TRAPPC12: variants seen among roughly 807,000 people sequenced by gnomAD.
The protein encoded by TRAPPC12 is trafficking protein particle complex subunit 12, also known as TPR repeat protein 15.
A neutral mutation model predicts 69.2 loss-of-function variants in TRAPPC12; 61 were observed. The observed-to-expected ratio is 0.88, with a 90% confidence interval of 0.72 to 1.09. The LOEUF (loss-of-function observed/expected upper bound fraction) is 1.09, where lower values mean the gene tolerates loss of function less well. Among genes scored for constraint, TRAPPC12 ranks in the 50% least tolerant of loss-of-function variants. The pLI, the probability that TRAPPC12 is intolerant of heterozygous loss-of-function variation, is 0.00. For missense variants in TRAPPC12, 1,101 were observed against 1,016.4 expected (o/e 1.08, Z -1.13); for synonymous variants, 469 against 438.9 (o/e 1.07, Z -0.86).
At chr2:3,474,172 G>A (rs1666189905) in intron 9 of TRAPPC12, among the ~76,000 whole-genome samples, 1 of 152,210 alleles carries the variant, frequency 6.6e-6, no homozygotes. Flanking sequence ...TATTAGTTGG[G>A]GCTCTCTAGA....
In TRAPPC12 at chr2:3,425,034, C is replaced by T. The variant is rs147228810; in HGVS notation, c.1417+371C>T. ...GCAGAGCGGTGGAACCAAACGTGTC[C>T]GTGCATATGGCACACGCCGTGACAT... is the stretch of plus-strand genomic sequence containing the variant. On this transcript the variant is annotated intron_variant, in intron 5 of 11. Coordinates refer to ENST00000324266, the MANE Select transcript of TRAPPC12 (RefSeq NM_016030.6). 3.3e-4 allele frequency among the ~76,000 whole-genome samples: 50 copies of T among 152,356 alleles called. No individual in the cohort carries two copies. In the Middle Eastern group the frequency reaches 0.01, roughly 31 times the overall value.
chr2:3,405,881 T>C (rs999295944), intron 3 of TRAPPC12, among the ~76,000 whole-genome samples: 3 of 152,206 alleles, frequency 2.0e-5, no homozygotes, highest in Non-Finnish European at 2.9e-5. Context: ...TCCTAACCCA[T>C]GGCAGTGAAG....
At chr2:3,449,445 TAC>T (rs1664732337) in intron 6 of TRAPPC12, 1 of 152,548 alleles carries the variant, frequency 6.6e-6, no homozygotes, top group South Asian at 2.1e-4. Context: ...AGTGCTTCTT[TAC>T]AGACTCACTC....
chr2:3,400,541 G>A (rs1661381782), intron 2 of TRAPPC12, among the ~76,000 whole-genome samples: 1 of 152,148 alleles, frequency 6.6e-6, no homozygotes, highest in South Asian at 2.1e-4. Context: ...TCAGTCAGCA[G>A]CACCCCCAGA....
At position 3,409,157 on chromosome 2, in the gene TRAPPC12, T is replaced by C. The variant is rs549480250; in HGVS notation, c.1164+7264T>C. ...AGTTAAGACTCTCTTCAGAAACTCC[T>C]GTGACCATGCAGTAGCCATCATGTC... is the stretch of plus-strand genomic sequence containing the variant. On this transcript the variant is annotated intron_variant, in intron 3 of 11. Coordinates refer to ENST00000324266, the MANE Select transcript of TRAPPC12 (RefSeq NM_016030.6). Among the ~76,000 whole-genome samples, 4 of 152,308 alleles carry C rather than the reference T, an allele frequency of 2.6e-5. No homozygotes were observed. The East Asian group carries it at 7.7e-4, about 29-fold the overall frequency.
At chr2:3,424,998 C>T (rs957018779) in intron 5 of TRAPPC12, among the ~76,000 whole-genome samples, 3 of 152,172 alleles carry the variant, frequency 2.0e-5, no homozygotes, top group South Asian at 2.1e-4. Flanking sequence ...CGGGACCTGG[C>T]GCACAGAGAT....
At chr2:3,417,199 G>A (rs1283167341) in intron 3 of TRAPPC12, among the ~76,000 whole-genome samples, 3 of 151,986 alleles carry the variant, frequency 2.0e-5, no homozygotes, top group Non-Finnish European at 2.9e-5. Flanking sequence ...TGCCTGCTGC[G>A]TCTCCATGTC....
At chr2:3,462,992 C>A (rs1459625846) in intron 8 of TRAPPC12, 1 of 469,860 alleles carries the variant, frequency 2.1e-6, no homozygotes, top group Admixed American at 2.4e-5. Flanking sequence ...GGTTGTAAAT[C>A]TAGTTTCACG....
rs559749857 is a variant in TRAPPC12 at position 3,433,000 on chromosome 2, G to T, written c.1417+8337G>T. Among the ~76,000 whole-genome samples the T allele has an allele frequency of 4.6e-5, 7 of 152,328 alleles. No homozygotes were observed. In the East Asian group the frequency reaches 1.2e-3, roughly 25 times the overall value. On this transcript the variant is annotated intron_variant, in intron 5 of 11. Coordinates refer to ENST00000324266, the MANE Select transcript of TRAPPC12 (RefSeq NM_016030.6). ...ATCATTTAAATAAGAAATATTTAAGGTATTTTTTTCTCTTAGGACTTTCTC... is the reference window on the plus strand; with the variant it reads ...ATCATTTAAATAAGAAATATTTAAGTTATTTTTTTCTCTTAGGACTTTCTC...
intron 1 of TRAPPC12, among the ~76,000 whole-genome samples, chr2:3,382,880 G>A (rs1267074780): frequency 3.3e-5 from 5 of 152,190 alleles, no homozygotes; most frequent in Admixed American, 2.0e-4. Context: ...AGCCATCATC[G>A]TCCCATTGCA....
At chr2:3,454,535 G>A (rs1665030079) in intron 6 of TRAPPC12, 1 of 152,660 alleles carries the variant, frequency 6.6e-6, no homozygotes, top group Non-Finnish European at 1.5e-5. Context: ...CGCCTTCCCA[G>A]CTGGGTAGGT....
At chr2:3,422,922 A>G (rs1187011598) in intron 4 of TRAPPC12, among the ~76,000 whole-genome samples, 3 of 152,240 alleles carry the variant, frequency 2.0e-5, no homozygotes, top group Non-Finnish European at 4.4e-5. Flanking sequence ...AAAAAAGCAC[A>G]CTTTTGATCA....
In TRAPPC12 at chr2:3,388,303, T is replaced by G. The variant is rs146562015; in HGVS notation, c.680T>G (p.Phe227Cys). The change falls in exon 2 of 12, where the codon TTT (phenylalanine) becomes TGT (cysteine). Residue 227 changes from phenylalanine (F) to cysteine (C), a missense_variant. Physicochemically the swap from Phe to Cys is radical, Grantham distance 205. Coordinates refer to ENST00000324266, the MANE Select transcript of TRAPPC12 (RefSeq NM_016030.6). Reference protein sequence around the residue: ...HSLASDFFDSFTTSAFISVSN... With the variant: ...HSLASDFFDSCTTSAFISVSN... The stretch of plus-strand genomic sequence containing the variant: ...TTGGCCTCGGACTTCTTCGACTCCT[T>G]TACTACCTCCGCCTTCATTTCCGTC... 8 of 1,607,076 alleles carry G rather than the reference T, an allele frequency of 5.0e-6. No individual in the cohort carries two copies. The highest frequency in any genetic ancestry group is 5.9e-6 in the Non-Finnish European group (7 of 1,176,844).
At chr2:3,440,306 G>T (rs1447817109) in intron 5 of TRAPPC12, among the ~76,000 whole-genome samples, 1 of 152,156 alleles carries the variant, frequency 6.6e-6, no homozygotes, top group South Asian at 2.1e-4. Flanking sequence ...TAGCAGTATT[G>T]TCTTCCTGTC....
At chr2:3,427,829 G>A (rs1428543456) in intron 5 of TRAPPC12, among the ~76,000 whole-genome samples, 1 of 151,824 alleles carries the variant, frequency 6.6e-6, no homozygotes, top group Non-Finnish European at 1.5e-5. Flanking sequence ...GGAGGCGGAG[G>A]TTGTAGTGAG....
intron 6 of TRAPPC12, among the ~76,000 whole-genome samples, chr2:3,452,369 G>A (rs916299257): frequency 2.0e-5 from 3 of 152,280 alleles, no homozygotes; most frequent in African/African-American, 4.8e-5. Context: ...TTTGTCAGAC[G>A]AGTCACTAAG....
chr2:3,435,704 T>G (rs1663733934), intron 5 of TRAPPC12, among the ~76,000 whole-genome samples: 1 of 152,190 alleles, frequency 6.6e-6, no homozygotes, highest in Non-Finnish European at 1.5e-5. Context: ...CAGGCAGAAT[T>G]TCATCACTTT....
intron 3 of TRAPPC12, among the ~76,000 whole-genome samples, chr2:3,419,410 G>T (rs1662644455): frequency 6.6e-6 from 1 of 152,230 alleles, no homozygotes. Flanking sequence ...GGCATTTGGA[G>T]ATCGTTTTAG....
At chr2:3,461,165 A>C (rs1376750955) in intron 8 of TRAPPC12, among the ~76,000 whole-genome samples, 1 of 152,184 alleles carries the variant, frequency 6.6e-6, no homozygotes, top group Non-Finnish European at 1.5e-5. Flanking sequence ...ACCAGCGGAG[A>C]ACTGTGCTCA....
Sources: allele counts gnomAD v4.1 joint callset (sites outside exome capture counted in the v4.1 genomes callset), GRCh38; gene constraint gnomAD v4.1.1; transcripts MANE v1.5; gene names NCBI Gene and HGNC (gene_info 2026-07-23, HGNC 2026-07-21).